The following LDLRAD2 variants were observed in gnomAD, a reference collection of about 807,000 sequenced individuals.
LDLRAD2 encodes the protein low density lipoprotein receptor class A domain containing 2, also known as low-density lipoprotein receptor class A domain-containing protein 2.
In LDLRAD2, 25 loss-of-function variants were observed where a neutral mutation model predicts 24.9. The observed-to-expected ratio is 1.00, with a 90% CI of 0.73 to 1.40. The LOEUF (loss-of-function observed/expected upper bound fraction) is 1.40. Among genes scored for constraint, LDLRAD2 ranks in the 40% most tolerant of loss-of-function variants. The pLI is 0.00. For synonymous variants in LDLRAD2, 182 were observed against 166.7 expected (o/e 1.09, Z -0.71); for missense variants, 391 against 366.2 (o/e 1.07, Z -0.55).
chr1:21,815,893 T>A, intron 2 of LDLRAD2, 50 bp from the exon 3 acceptor site: 1 of 1,605,858 alleles, frequency 6.2e-7, no homozygotes, highest in Non-Finnish European at 8.5e-7. Context: ...TCCTGCTGTG[T>A]CGTGGGCTGG....
intron 3 of LDLRAD2, among the ~76,000 whole-genome samples, chr1:21,820,416 G>A (rs936137135): frequency 2.6e-5 from 4 of 151,720 alleles, no homozygotes; most frequent in South Asian, 2.1e-4. Context: ...CCGGCTACTC[G>A]GGAGGCTGAG....
chr1:21,819,947 A>G (rs2097948490), intron 3 of LDLRAD2, among the ~76,000 whole-genome samples: 1 of 152,186 alleles, frequency 6.6e-6, no homozygotes, highest in African/African-American at 2.4e-5. Context: ...CCAGAGTAGG[A>G]GCAAGAGAGA....
chr1:21,823,778 C>G lies in LDLRAD2; in HGVS notation c.*1563C>G. On this transcript the variant is annotated 3_prime_UTR_variant, in exon 5 of 5. Transcript: ENST00000344642. Reference sequence around the variant, plus strand: ...AACTTCCTGGTCCTCCCCGGCCCCACGACAGAGTCCCCTCCCTCTGATATC... The same window carrying G: ...AACTTCCTGGTCCTCCCCGGCCCCAGGACAGAGTCCCCTCCCTCTGATATC... 3.8e-6 allele frequency: 5 copies of G among 1,305,396 alleles called. No homozygotes were observed. Among genetic ancestry groups the G allele is most frequent in the Non-Finnish European group, 5.5e-6 (5 of 905,306 alleles). The allele number at this position is 1,305,396 out of a possible 1,614,324, so 80.9% of individuals were successfully genotyped here.
chr1:21,813,063 G>C (rs1222375204), intron 1 of LDLRAD2, among the ~76,000 whole-genome samples: 2 of 152,210 alleles, frequency 1.3e-5, no homozygotes, highest in Admixed American at 6.5e-5. Context: ...CTGTGATGCC[G>C]AGGCGGGCGG....
chr1:21,821,332 T>C, intron 3 of LDLRAD2, 118 bp from the exon 4 acceptor site: 2 of 1,360,420 alleles, frequency 1.5e-6, no homozygotes, highest in Non-Finnish European at 2.0e-6. Context: ...ACAACCTCTC[T>C]GTAAAATGGA....
chr1:21,812,980 C>T (rs1223129357), intron 1 of LDLRAD2, among the ~76,000 whole-genome samples: 1 of 152,234 alleles, frequency 6.6e-6, no homozygotes, highest in Non-Finnish European at 1.5e-5. Context: ...CAAGGCACTT[C>T]ATAATACCTG....
chr1:21,824,322 C>G lies in LDLRAD2; in HGVS notation c.*2107C>G. 6.2e-7 allele frequency: 1 copy of G among 1,613,806 alleles called. No individual in the cohort carries two copies. Among genetic ancestry groups the G allele is most frequent in the Non-Finnish European group, 8.5e-7 (1 of 1,179,984 alleles). Reference sequence around the variant, plus strand: ...AGGACCTACCTGAAGACAAGGTGCCCGTCTTGAAGCCCGAGGCTGATGAAG... The same window carrying G: ...AGGACCTACCTGAAGACAAGGTGCCGGTCTTGAAGCCCGAGGCTGATGAAG... On this transcript the variant is annotated 3_prime_UTR_variant, in exon 5 of 5. Transcript: ENST00000344642. This position sits in a 1 kb window ranked among gnomAD's most constrained non-coding sequence, Gnocchi z 5.9.
rs1356504673 is a variant in LDLRAD2, at chr1:21,822,724, A to C, written c.*509A>C. 1 of 106,476 alleles carries C rather than the reference A, an allele frequency of 9.4e-6. No individual in the cohort carries two copies. Among genetic ancestry groups the C allele is most frequent in the African/African-American group, 3.8e-5 (1 of 26,538 alleles). 6.6% of individuals were successfully genotyped at this position (106,476 alleles called of 1,614,324 possible). A position where few individuals can be genotyped will look rare whatever the true frequency, so the allele number is the denominator to read the frequency against. ...ATGCAGGCCAGGAGGACGTGGTAGG[A>C]GGGGGAGTCTGCCAGAGGAGGTGCC... On this transcript the variant is annotated 3_prime_UTR_variant, in exon 5 of 5. Transcript: ENST00000344642.
At chr1:21,813,035 G>A (rs113254662) in intron 1 of LDLRAD2, among the ~76,000 whole-genome samples, 50 of 152,332 alleles carry the variant, frequency 3.3e-4, no homozygotes, top group African/African-American at 1.1e-3. Flanking sequence ...AGTGGCTCAC[G>A]CCTGTAATCC....
chr1:21,823,328 G>A lies in LDLRAD2; in HGVS notation c.*1113G>A. The A allele has an allele frequency of 6.5e-7, 1 of 1,539,422 alleles. No individual in the cohort carries two copies. Among genetic ancestry groups the A allele is most frequent in the Non-Finnish European group, 8.7e-7 (1 of 1,144,824 alleles). ...GGCAGGCAGGTGCCTACGAGGGGCAGGGGCGTGTGTTGGCCCCGGCCTGGG... is the reference window on the plus strand; with the variant it reads ...GGCAGGCAGGTGCCTACGAGGGGCAAGGGCGTGTGTTGGCCCCGGCCTGGG... On this transcript the variant is annotated 3_prime_UTR_variant, in exon 5 of 5. Coordinates refer to ENST00000344642, the MANE Select transcript of LDLRAD2 (RefSeq NM_001013693.3).
Position 21,813,316 on chromosome 1 carries a change from G to T in LDLRAD2, c.85+780G>T, listed in dbSNP as rs972302061. Among the ~76,000 whole-genome samples the T allele has an allele frequency of 3.3e-5, 5 of 152,042 alleles. No individual in the cohort carries two copies. In the East Asian group the frequency reaches 9.7e-4, roughly 29 times the overall value. ...CTCAAAGAAATAAAAAAAAAAAAGG[G>T]TGCCCAATTCCCTTACTCTCTAAAC... is the stretch of plus-strand genomic sequence containing the variant. On this transcript the variant is annotated intron_variant, in intron 1 of 4. Transcript: ENST00000344642.
rs3736357 is a variant in LDLRAD2, at chr1:21,823,764, C to T, written c.*1549C>T. ...GGCCCCTTTCCACAAACTTCCTGGTCCTCCCCGGCCCCACGACAGAGTCCC... is the reference window on the plus strand; with the variant it reads ...GGCCCCTTTCCACAAACTTCCTGGTTCTCCCCGGCCCCACGACAGAGTCCC... On this transcript the variant is annotated 3_prime_UTR_variant, in exon 5 of 5. Coordinates refer to ENST00000344642, the MANE Select transcript of LDLRAD2 (RefSeq NM_001013693.3). The T allele has an allele frequency of 0.46, 684,226 of 1,479,464 alleles. 164,038 individuals carry two copies. Among genetic ancestry groups the T allele is most frequent in the East Asian group, 0.65 (28,888 of 44,262 alleles). The allele number at this position is 1,479,464 out of a possible 1,614,324, so 91.6% of individuals were successfully genotyped here. A position where few individuals can be genotyped will look rare whatever the true frequency, so the allele number is the denominator to read the frequency against.
At chr1:21,822,152 A>G (rs776088936) in intron 4 of LDLRAD2, 50 bp from the exon 5 acceptor site, 6 of 1,613,922 alleles carry the variant, frequency 3.7e-6, no homozygotes, top group East Asian at 4.5e-5. Flanking sequence ...ATCCCAAGCC[A>G]GCTTGCTTCA....
chr1:21,821,134 T>A (rs2097951111), intron 3 of LDLRAD2, among the ~76,000 whole-genome samples: 1 of 152,176 alleles, frequency 6.6e-6, no homozygotes, highest in South Asian at 2.1e-4. Context: ...GAGGCAGAAG[T>A]TGCAGTGAGT....
In LDLRAD2 at chr1:21,812,640, C is replaced by G. The variant is rs547835372; in HGVS notation, c.85+104C>G. 4.2e-6 allele frequency: 4 copies of G among 950,498 alleles called. No homozygotes were observed. The African/African-American group carries it at 6.5e-5, about 16-fold the overall frequency. 58.9% of individuals were successfully genotyped at this position (950,498 alleles called of 1,614,324 possible). ...AGCACTCATCCTGCTGGGCTGAGAC[C>G]TTTTGAGCTGGGGGAGGCTGGGAAA... On this transcript the variant is annotated intron_variant, in intron 1 of 4. Transcript: ENST00000344642.
Position 21,815,929 on chromosome 1 carries a change from G to C in LDLRAD2, c.512-14G>C. 2.5e-6 allele frequency: 4 copies of C among 1,613,582 alleles called. No homozygotes were observed. Among genetic ancestry groups the C allele is most frequent in the Non-Finnish European group, 3.4e-6 (4 of 1,179,836 alleles). On this transcript the variant is annotated splice_polypyrimidine_tract_variant and intron_variant, in intron 2 of 4. Coordinates refer to ENST00000344642, the MANE Select transcript of LDLRAD2 (RefSeq NM_001013693.3). ...ACCGGAATCCTCACCTCAGGCTTCT[G>C]CTTCTGGCCTCAGGACCTTGTGGTG... is the stretch of plus-strand genomic sequence containing the variant.
Position 21,824,120 on chromosome 1 carries a change from C to A in LDLRAD2, c.*1905C>A. ...CCCGAGTGCCCGGCAGGGTCCCTTA[C>A]CGCAGTGCTGTCACCCGGTGCCACT... On this transcript the variant is annotated 3_prime_UTR_variant, in exon 5 of 5. Transcript: ENST00000344642. The surrounding 1 kb of genome is among the most constrained non-coding windows in gnomAD (Gnocchi z 5.9). 6.2e-7 allele frequency: 1 copy of A among 1,612,658 alleles called. No homozygotes were observed. The highest frequency in any genetic ancestry group is 8.5e-7 in the Non-Finnish European group (1 of 1,179,758).
rs2097956821 is a variant in LDLRAD2, at chr1:21,823,307, G to A, written c.*1092G>A. On this transcript the variant is annotated 3_prime_UTR_variant, in exon 5 of 5. Coordinates refer to ENST00000344642, the MANE Select transcript of LDLRAD2 (RefSeq NM_001013693.3). ...GTGGCCCGGGAGTCCGTGTGGGGCA[G>A]GCAGGTGCCTACGAGGGGCAGGGGC... is the stretch of plus-strand genomic sequence containing the variant. The A allele has an allele frequency of 1.3e-6, 2 of 1,524,360 alleles. No homozygotes were observed. The highest frequency in any genetic ancestry group is 1.2e-5 in the South Asian group (1 of 81,932). 94.4% of individuals were successfully genotyped at this position (1,524,360 alleles called of 1,614,324 possible).
intron 3 of LDLRAD2, 111 bp downstream of exon 3, chr1:21,816,185 G>C (rs867531908): frequency 7.0e-7 from 1 of 1,431,790 alleles, no homozygotes; most frequent in Middle Eastern, 1.9e-4. Context: ...GAGGAAAGCG[G>C]AAGTGTGGAA....
Sources: allele counts gnomAD v4.1 joint callset (sites outside exome capture counted in the v4.1 genomes callset), GRCh38; gene constraint gnomAD v4.1.1; non-coding constraint Gnocchi (gnomAD v3.1); transcripts MANE v1.5; gene names NCBI Gene and HGNC (gene_info 2026-07-23, HGNC 2026-07-21).